UNC13C: variants seen among roughly 807,000 people sequenced by gnomAD.
The protein encoded by UNC13C is unc-13 homolog C.
UNC13C carries 174 observed loss-of-function variants against 245.4 expected under a neutral mutation model. The ratio of observed to expected loss-of-function variants is 0.71; its 90% CI spans 0.63 to 0.80. The LOEUF (loss-of-function observed/expected upper bound fraction) is 0.80, where lower values mean the gene tolerates loss of function less well. Ranked by LOEUF, UNC13C falls within the 30% of genes least tolerant of loss-of-function variation. The pLI is 0.00. For synonymous variants in UNC13C, 992 were observed against 895.1 expected (o/e 1.11, Z -1.93); for missense variants, 2,829 against 2,602.9 (o/e 1.09, Z -1.89).
chr15:54,333,874 T>C lies in UNC13C; in HGVS notation c.4584+18T>C, dbSNP rs200710098. On this transcript the variant is annotated intron_variant, in intron 16 of 32. Coordinates refer to ENST00000260323, the MANE Select transcript of UNC13C (RefSeq NM_001080534.3). ...GGATGAAGGTATCTCATTTTATTTC[T>C]GTCACTGTTTTGTTGTGACATAGAA... The C allele has an allele frequency of 1.9e-4, 302 of 1,558,466 alleles. 2 individuals carry two copies. The African/African-American group carries it at 3.7e-3, about 19-fold the overall frequency.
At chr15:53,971,860 A>G in the UNC13C span, among the ~76,000 whole-genome samples, 1 of 152,188 alleles carries the variant, frequency 6.6e-6, no homozygotes, top group Admixed American at 6.5e-5. Flanking sequence ...GGAACAGCTG[A>G]TACTGTCAAG....
intron 30 of UNC13C, among the ~76,000 whole-genome samples, chr15:54,614,719 ATCT>A (rs1236737055): frequency 2.0e-5 from 3 of 151,942 alleles, no homozygotes; most frequent in African/African-American, 7.2e-5. Flanking sequence ...GGCTGCCAGA[ATCT>A]TCTTCCTTTT....
the UNC13C span, among the ~76,000 whole-genome samples, chr15:53,935,938 G>A: frequency 5.3e-5 from 8 of 152,256 alleles, no homozygotes; most frequent in Middle Eastern, 3.4e-3. Context: ...GAGTTGTTAC[G>A]CATATTCTAG....
chr15:54,025,999 G>A (rs1349929584), intron 2 of UNC13C, among the ~76,000 whole-genome samples: 2 of 152,108 alleles, frequency 1.3e-5, no homozygotes, highest in Non-Finnish European at 2.9e-5. Context: ...CGTGGTTTTA[G>A]ATTTACATTT....
At chr15:54,392,336 A>G (rs1294755029) in intron 17 of UNC13C, among the ~76,000 whole-genome samples, 3 of 152,068 alleles carry the variant, frequency 2.0e-5, no homozygotes, top group Admixed American at 6.6e-5. Flanking sequence ...CCTATGTCAC[A>G]TTCTGCTTTC....
intron 32 of UNC13C, among the ~76,000 whole-genome samples, chr15:54,625,033 G>A (rs1901046760): frequency 6.6e-6 from 1 of 152,028 alleles, no homozygotes; most frequent in Non-Finnish European, 1.5e-5. Context: ...TTAATGGAAA[G>A]AACTATTCAT....
chr15:54,061,596 A>G (rs771968745), intron 2 of UNC13C, among the ~76,000 whole-genome samples: 2 of 152,190 alleles, frequency 1.3e-5, no homozygotes, highest in Non-Finnish European at 2.9e-5. Flanking sequence ...ATAATGGTAC[A>G]GCAAGCCCTT....
chr15:54,519,482 T>A (rs1380451646), intron 24 of UNC13C, among the ~76,000 whole-genome samples: 2 of 152,140 alleles, frequency 1.3e-5, no homozygotes, highest in Admixed American at 1.3e-4. Flanking sequence ...ACAGTGACAG[T>A]TGGATTTACT....
At chr15:54,029,055 T>C (rs369661174) in intron 2 of UNC13C, among the ~76,000 whole-genome samples, 1 of 152,202 alleles carries the variant, frequency 6.6e-6, no homozygotes, top group Non-Finnish European at 1.5e-5. Context: ...AATGCTACAG[T>C]TACCTTCCTA....
chr15:54,031,874 A>G (rs1896371875), intron 2 of UNC13C, among the ~76,000 whole-genome samples: 1 of 152,260 alleles, frequency 6.6e-6, no homozygotes, highest in South Asian at 2.1e-4. Context: ...AAATTATGCA[A>G]AATAAATTAT....
chr15:54,616,471 TAGAAA>T (rs1900439222), intron 30 of UNC13C, among the ~76,000 whole-genome samples: 1 of 152,020 alleles, frequency 6.6e-6, no homozygotes, highest in African/African-American at 2.4e-5. Context: ...TATGTACAGT[TAGAAA>T]AGACTCAAGT....
At chr15:54,030,517 C>G (rs895454911) in intron 2 of UNC13C, among the ~76,000 whole-genome samples, 2 of 152,130 alleles carry the variant, frequency 1.3e-5, no homozygotes, top group African/African-American at 4.8e-5. Context: ...AGTAAATAAG[C>G]AAAAACTTTT....
intron 30 of UNC13C, among the ~76,000 whole-genome samples, chr15:54,592,544 A>G (rs11071092): frequency 0.46 from 69,236 of 152,080 alleles, 16,699 homozygotes; most frequent in East Asian, 0.68. Flanking sequence ...TTACCATTCT[A>G]TACTGTCCCT....
chr15:54,572,424 A>AT (rs1336090253), intron 30 of UNC13C, among the ~76,000 whole-genome samples: 5,757 of 131,588 alleles, frequency 0.044, 200 homozygotes, highest in South Asian at 0.1. Context: ...TGTCTCTTTA[A>AT]TTTTTTTTTT....
chr15:54,394,052 A>G (rs2040019119), intron 18 of UNC13C, among the ~76,000 whole-genome samples: 1 of 151,944 alleles, frequency 6.6e-6, no homozygotes, highest in Non-Finnish European at 1.5e-5. Flanking sequence ...ATGAAGTAGA[A>G]CAGTGAAGTA....
intron 4 of UNC13C, among the ~76,000 whole-genome samples, chr15:54,187,846 G>C (rs1191573058): frequency 6.6e-6 from 1 of 152,052 alleles, no homozygotes; most frequent in Non-Finnish European, 1.5e-5. Flanking sequence ...GTTTTGCTCT[G>C]TTGCCCAGGC....
chr15:53,858,154 G>C, the UNC13C span, among the ~76,000 whole-genome samples: 2 of 151,846 alleles, frequency 1.3e-5, no homozygotes. Flanking sequence ...CTATAATTTT[G>C]GTGGCTAGAT....
intron 19 of UNC13C, among the ~76,000 whole-genome samples, chr15:54,432,457 G>T (rs147403923): frequency 6.6e-6 from 1 of 151,678 alleles, no homozygotes; most frequent in Non-Finnish European, 1.5e-5. Context: ...ACTCAAAACC[G>T]CACAACTACC....
chr15:54,214,261 C>G (rs2034972024), intron 4 of UNC13C, among the ~76,000 whole-genome samples: 1 of 151,908 alleles, frequency 6.6e-6, no homozygotes, highest in South Asian at 2.1e-4. Flanking sequence ...TGATGAGATA[C>G]ACAGCCCAGG....
Sources: gnomAD v4.1 joint callset for allele counts (sites outside exome capture counted in the v4.1 genomes callset) on GRCh38, gnomAD v4.1.1 for gene constraint, MANE v1.5 for transcripts, NCBI Gene and HGNC (gene_info 2026-07-23, HGNC 2026-07-21) for gene names.